NSD2: variants seen among roughly 807,000 people sequenced by gnomAD.
The protein encoded by NSD2 is histone-lysine N-methyltransferase NSD2.
A neutral mutation model predicts 139.0 loss-of-function variants in NSD2; 12 were observed. The observed-to-expected ratio is 0.09, with a 90% CI of 0.06 to 0.14. The LOEUF is 0.14. NSD2 is among the 10% of genes least tolerant of loss of function. NSD2 has a pLI of 1.00. For synonymous variants in NSD2, 669 were observed against 648.7 expected (o/e 1.03, Z -0.48); for missense variants, 1,155 against 1,745.0 (o/e 0.66, Z 6.02).
chr4:1,892,877 G>A (rs1715704573), intron 1 of NSD2: 2 of 151,936 alleles, frequency 1.3e-5, no homozygotes, highest in South Asian at 4.2e-4. Flanking sequence ...TAGAACCACT[G>A]GTAACTCTTA....
Position 1,876,214 on chromosome 4 carries a change from C to CA in NSD2, c.-30+4684dup, listed in dbSNP as rs879643486. Among the ~76,000 whole-genome samples the CA allele has an allele frequency of 7.3e-3, 996 of 135,822 alleles. 4 individuals carry two copies. The highest frequency in any genetic ancestry group is 0.01 in the Non-Finnish European group (632 of 62,454). The allele number at this position is 135,822 out of a possible 152,430, so 89.1% of individuals were successfully genotyped here. A position where few individuals can be genotyped will look rare whatever the true frequency, so the allele number is the denominator to read the frequency against. On this transcript the variant is annotated intron_variant, in intron 1 of 21. Transcript: ENST00000508803. Reference sequence around the variant, plus strand: ...GGTTGACAGAGCAAGACCCCTGTCTCAAAAAAAAAAAACCAAGACAGATTT... The same window carrying CA: ...GGTTGACAGAGCAAGACCCCTGTCTCAAAAAAAAAAAAACCAAGACAGATTT...
intron 5 of NSD2, among the ~76,000 whole-genome samples, chr4:1,921,655 G>T (rs535783194): frequency 6.6e-6 from 1 of 151,230 alleles, no homozygotes; most frequent in South Asian, 2.1e-4. Flanking sequence ...GGTGGCGAGC[G>T]CCTGTAATCC....
chr4:1,921,762 A>G (rs1342564261), intron 5 of NSD2, among the ~76,000 whole-genome samples: 2 of 150,750 alleles, frequency 1.3e-5, no homozygotes, highest in African/African-American at 4.9e-5. Context: ...AGCCTGGGCA[A>G]CACAGCAAGA....
rs2109025247 is a variant in NSD2 at position 1,976,536 on chromosome 4, G to A, written c.3683G>A (p.Arg1228His). Residue 1228 changes from arginine to histidine, a missense_variant, in exon 21 of 22, where the codon CGC becomes CAC. By Grantham distance (29) the Arg-to-His change is conservative (BLOSUM62 0). Transcript: ENST00000508803. The surrounding 1 kb of genome is among the most constrained non-coding windows in gnomAD (Gnocchi z 5.3). ...GKKTKKKTRR[R>H]RAKGEGKRQS... The stretch of plus-strand genomic sequence containing the variant: ...AAGACCAAGAAGAAAACGAGGCGGC[G>A]CAGAGCAAAAGGGGAAGGGAAGAGG... The A allele has an allele frequency of 1.9e-6, 3 of 1,613,976 alleles. No individual in the cohort carries two copies. Among genetic ancestry groups the A allele is most frequent in the Non-Finnish European group, 2.5e-6 (3 of 1,179,960 alleles).
At chr4:1,963,847 CA>C (rs1725606359) in intron 18 of NSD2, among the ~76,000 whole-genome samples, 2 of 151,868 alleles carry the variant, frequency 1.3e-5, no homozygotes, top group Admixed American at 6.6e-5. Context: ...CTCATCTCTA[CA>C]AAAAAGAAAA....
chr4:1,934,212 T>C (rs939783534), intron 6 of NSD2, among the ~76,000 whole-genome samples: 3 of 151,588 alleles, frequency 2.0e-5, no homozygotes, highest in African/African-American at 7.3e-5. Flanking sequence ...CAGCCTCCTG[T>C]GTAGCTGAGA....
intron 18 of NSD2, among the ~76,000 whole-genome samples, chr4:1,969,206 T>A (rs1726184010): frequency 6.6e-6 from 1 of 152,160 alleles, no homozygotes; most frequent in South Asian, 2.1e-4. Context: ...GACACATCTT[T>A]GAAAGGATCA....
intron 4 of NSD2, 40 bp downstream of exon 4, chr4:1,917,077 T>C: frequency 6.6e-7 from 1 of 1,512,944 alleles, no homozygotes; most frequent in Non-Finnish European, 8.9e-7. Context: ...GACCAGAAAT[T>C]TAATTTTTAT....
At chr4:1,887,836 T>A (rs565036406) in intron 1 of NSD2, 3 of 152,348 alleles carry the variant, frequency 2.0e-5, no homozygotes, top group Non-Finnish European at 4.4e-5. Flanking sequence ...TAATTCAGCC[T>A]AAAGTTTTTC....
rs1192924102 is a variant in NSD2 at position 1,900,988 on chromosome 4, C to A, written c.334C>A (p.Pro112Thr). 4 of 1,614,076 alleles carry A rather than the reference C, an allele frequency of 2.5e-6. No homozygotes were observed. In the Admixed American group the frequency reaches 5.0e-5, roughly 20 times the overall value. ...GGAAATGAAAGGGATTGGGACACCC[C>A]CTAACACTACCCCTATCAAAAATGG... ...SQEMKGIGTP[P>T]NTTPIKNGSP... Residue 112 changes from proline (P) to threonine (T), a missense_variant, in exon 2 of 22, where the codon CCT becomes ACT. This residue lies in a region of NSD2 where 246 missense variants were observed against 262.8 expected (regional missense o/e 0.94). Coordinates refer to ENST00000508803, the MANE Select transcript of NSD2 (RefSeq NM_001042424.3).
rs776785405 is a variant in NSD2, at chr4:1,979,717, A to AT, written c.*815dup. The AT allele has an allele frequency of 4.3e-5, 10 of 231,790 alleles. No individual in the cohort carries two copies. The highest frequency in any genetic ancestry group is 2.3e-4 in the Admixed American group (4 of 17,710). 14.4% of individuals were successfully genotyped at this position (231,790 alleles called of 1,614,324 possible). The stretch of plus-strand genomic sequence containing the variant: ...CAACATTTGGGGGATAACTTTGTAT[A>AT]TTTTTTTCATTTGGCTTTTCTTTAC... On this transcript the variant is annotated 3_prime_UTR_variant, in exon 22 of 22. Transcript: ENST00000508803.
rs140182983 is a variant in NSD2 at position 1,938,509 on chromosome 4, C to G, written c.1733C>G (p.Ala578Gly). The G allele has an allele frequency of 1.3e-4, 210 of 1,603,954 alleles. No homozygotes were observed. In the African/African-American group the frequency reaches 2.4e-3, roughly 18 times the overall value. ...RTSSYKAMEA[A>G]SSLKSQAATK... is the part of the protein sequence containing the mutation. ...AGCTCTTACAAGGCCATGGAGGCAGCCTCCTCGCTCAAGAGCCAGGCAGGT... is the reference window on the plus strand; with the variant it reads ...AGCTCTTACAAGGCCATGGAGGCAGGCTCCTCGCTCAAGAGCCAGGCAGGT... The change falls in exon 8 of 22, where the codon GCC (alanine) becomes GGC (glycine). Residue 578 changes from alanine to glycine, a missense_variant. Around this residue, in one of 8 missense-constraint regions of NSD2, gnomAD observed 420 missense variants for 469.0 expected, o/e 0.90. Coordinates refer to ENST00000508803, the MANE Select transcript of NSD2 (RefSeq NM_001042424.3).
chr4:1,976,732 T>C lies in NSD2; in HGVS notation c.3826+53T>C. ...CAGCTGTGTCTGTGTGGCAGGCTCC[T>C]GATGGCGGCTGCTGCCGCTCTTCCT... On this transcript the variant is annotated intron_variant, in intron 21 of 21. Coordinates refer to ENST00000508803, the MANE Select transcript of NSD2 (RefSeq NM_001042424.3). This position sits in a 1 kb window ranked among gnomAD's most constrained non-coding sequence, Gnocchi z 5.3. 2 of 1,508,876 alleles carry C rather than the reference T, an allele frequency of 1.3e-6. No individual in the cohort carries two copies. Among genetic ancestry groups the C allele is most frequent in the Non-Finnish European group, 1.8e-6 (2 of 1,121,894 alleles). 93.5% of individuals were successfully genotyped at this position (1,508,876 alleles called of 1,614,324 possible).
intron 1 of NSD2, among the ~76,000 whole-genome samples, chr4:1,882,479 C>T (rs1032261655): frequency 5.3e-5 from 8 of 152,114 alleles, no homozygotes; most frequent in East Asian, 1.9e-4. Flanking sequence ...CTGGCTAACA[C>T]GGTGAAACCC....
chr4:1,889,862 A>G (rs1244477839), intron 1 of NSD2, among the ~76,000 whole-genome samples: 1 of 151,456 alleles, frequency 6.6e-6, no homozygotes, highest in African/African-American at 2.4e-5. Context: ...TGTTTAAACC[A>G]TTATAGAGTG....
rs1234001705 is a variant in NSD2, at chr4:1,976,221, G to T, written c.3622-254G>T. ...CCTGGAGCTGTGTGTCTGCTGAGATGCTGCTGAGATGCGTCATTGCAGGCT... is the reference window on the plus strand; with the variant it reads ...CCTGGAGCTGTGTGTCTGCTGAGATTCTGCTGAGATGCGTCATTGCAGGCT... On this transcript the variant is annotated intron_variant, in intron 20 of 21. Coordinates refer to ENST00000508803, the MANE Select transcript of NSD2 (RefSeq NM_001042424.3). This position sits in a 1 kb window ranked among gnomAD's most constrained non-coding sequence, Gnocchi z 5.3. 4.0e-6 allele frequency: 2 copies of T among 499,260 alleles called. No individual in the cohort carries two copies. The highest frequency in any genetic ancestry group is 6.9e-5 in the Admixed American group (2 of 29,054). 30.9% of individuals were successfully genotyped at this position (499,260 alleles called of 1,614,324 possible).
intron 3 of NSD2, among the ~76,000 whole-genome samples, chr4:1,916,511 A>G (rs550174525): frequency 6.6e-6 from 1 of 152,178 alleles, no homozygotes; most frequent in Admixed American, 6.5e-5. Context: ...ACACCCGGCT[A>G]ATTTTTGCAT....
chr4:1,884,271 TTTC>T (rs1257646428), intron 1 of NSD2, among the ~76,000 whole-genome samples: 1 of 152,034 alleles, frequency 6.6e-6, no homozygotes, highest in Non-Finnish European at 1.5e-5. Flanking sequence ...AATTTTTGTA[TTTC>T]TTGTAGAGAT....
chr4:1,945,320 T>TGA lies in NSD2; in HGVS notation c.1881+5546_1881+5547dup, dbSNP rs1256667537. 6.6e-6 allele frequency: 7 copies of TGA among 1,065,734 alleles called. No homozygotes were observed. In the African/African-American group the frequency reaches 1.1e-4, roughly 17 times the overall value. The allele number at this position is 1,065,734 out of a possible 1,614,324, so 66.0% of individuals were successfully genotyped here. A position where few individuals can be genotyped will look rare whatever the true frequency, so the allele number is the denominator to read the frequency against. ...ACAGGAAAGGAGGGAGGATGCTGTG[T>TGA]GAGAGCCATGCTGTCAGGAGCAAGC... is the stretch of plus-strand genomic sequence containing the variant. On this transcript the variant is annotated intron_variant, in intron 9 of 21. Coordinates refer to ENST00000508803, the MANE Select transcript of NSD2 (RefSeq NM_001042424.3).
Sources: gnomAD v4.1 joint callset for allele counts (sites outside exome capture counted in the v4.1 genomes callset) on GRCh38, gnomAD v4.1.1 for gene constraint, gnomAD v4.1.1 regional missense constraint, Gnocchi (gnomAD v3.1) non-coding constraint, MANE v1.5 for transcripts, NCBI Gene and HGNC (gene_info 2026-07-23, HGNC 2026-07-21) for gene names.